SUPT3H: variants seen among roughly 807,000 people sequenced by gnomAD.
SUPT3H encodes the protein SPT3 homolog, SAGA and STAGA complex component.
In SUPT3H, 44 loss-of-function variants were observed where a neutral mutation model predicts 44.3. The ratio of observed to expected loss-of-function variants is 0.99; its 90% CI spans 0.78 to 1.28. The LOEUF (loss-of-function observed/expected upper bound fraction) is 1.28. Ranked by LOEUF, SUPT3H falls within the 50% of genes most tolerant of loss-of-function variation. SUPT3H has a pLI of 0.00. For missense variants in SUPT3H, 380 were observed against 387.1 expected (o/e 0.98, Z 0.15); for synonymous variants, 124 against 125.6 (o/e 0.99, Z 0.09).
At chr6:44,866,697 C>G (rs1775561693) in intron 10 of SUPT3H, among the ~76,000 whole-genome samples, 1 of 152,164 alleles carries the variant, frequency 6.6e-6, no homozygotes, top group Non-Finnish European at 1.5e-5. Flanking sequence ...GACCTGAAAT[C>G]ATTGCCTCAG....
Position 44,993,646 on chromosome 6 carries a change from G to A in SUPT3H, c.504+10007C>T, listed in dbSNP as rs114277884. The stretch of plus-strand genomic sequence containing the variant: ...CTTCTAAATCAAATAATACTACCTC[G>A]TCTACAGTTCCTATGCCAGAATAAC... On this transcript the variant is annotated intron_variant, in intron 6 of 10. Coordinates refer to ENST00000371459, the MANE Select transcript of SUPT3H (RefSeq NM_003599.4). Among the ~76,000 whole-genome samples, 732 of 152,058 alleles carry A rather than the reference G, an allele frequency of 4.8e-3. 9 individuals are homozygous for A. Among genetic ancestry groups the A allele is most frequent in the African/African-American group, 0.016 (673 of 41,498 alleles).
At chr6:45,313,655 A>AC (rs1784290411) in intron 2 of SUPT3H, among the ~76,000 whole-genome samples, 12 of 25,278 alleles carry the variant, frequency 4.7e-4, no homozygotes, top group Admixed American at 3.5e-3. Flanking sequence ...TTTAAAAATT[A>AC]TAAAAAAAAA....
chr6:45,325,347 T>TA (rs1193635749), intron 2 of SUPT3H, among the ~76,000 whole-genome samples: 1 of 151,702 alleles, frequency 6.6e-6, no homozygotes, highest in African/African-American at 2.4e-5. Flanking sequence ...GTTAAGAAAA[T>TA]AAAAAATTAC....
At chr6:45,179,557 T>A (rs1440631307) in intron 2 of SUPT3H, among the ~76,000 whole-genome samples, 2 of 152,230 alleles carry the variant, frequency 1.3e-5, no homozygotes, top group East Asian at 3.8e-4. Context: ...ATCCCTGGGA[T>A]GCAAGGCTGG....
intron 9 of SUPT3H, among the ~76,000 whole-genome samples, chr6:44,945,258 C>T (rs192026132): frequency 1.3e-5 from 2 of 152,248 alleles, no homozygotes; most frequent in East Asian, 1.9e-4. Context: ...TCAGGCCTCC[C>T]TATTCCCTGA....
intron 6 of SUPT3H, among the ~76,000 whole-genome samples, chr6:44,969,779 C>T (rs952760211): frequency 1.3e-5 from 2 of 152,196 alleles, no homozygotes. Context: ...TTCTATATCA[C>T]AGCCTTAAAA....
chr6:45,003,823 A>C (rs1782345346), intron 5 of SUPT3H, 31 bp from the exon 6 acceptor site: 1 of 1,611,774 alleles, frequency 6.2e-7, no homozygotes, highest in South Asian at 1.1e-5. Flanking sequence ...GAAAAAAAGA[A>C]ATGTTCTCAA....
At chr6:44,970,092 T>C (rs1303477638) in intron 6 of SUPT3H, among the ~76,000 whole-genome samples, 3 of 152,166 alleles carry the variant, frequency 2.0e-5, no homozygotes, top group Non-Finnish European at 4.4e-5. Context: ...CCTATGGGTC[T>C]AAATATATTA....
rs1296957846 is a variant in SUPT3H, at chr6:45,230,511, CTAAGTA to C, written c.102-124511_102-124506del. 3.5e-4 allele frequency among the ~76,000 whole-genome samples: 53 copies of C among 150,604 alleles called. No individual in the cohort carries two copies. In the East Asian group the frequency reaches 4.7e-3, roughly 13 times the overall value. Reference sequence around the variant, plus strand: ...TCTTTTTTTATGGGTTTTGTTTTATCTAAGTATATCTACTTCTGCTCACTTTTGGTT... The same window carrying C: ...TCTTTTTTTATGGGTTTTGTTTTATCTATCTACTTCTGCTCACTTTTGGTT... On this transcript the variant is annotated intron_variant, in intron 2 of 10. Transcript: ENST00000371459.
intron 2 of SUPT3H, among the ~76,000 whole-genome samples, chr6:45,265,002 C>T (rs547314135): frequency 3.3e-5 from 5 of 152,166 alleles, no homozygotes; most frequent in African/African-American, 1.2e-4. Flanking sequence ...ACTGAAATTT[C>T]CCCTATGAAG....
chr6:45,020,404 G>A lies in SUPT3H; in HGVS notation c.273+142C>T, dbSNP rs572536984. Reference sequence around the variant, plus strand: ...AATTCTTTTGTAAACACATTTTGTCGTCCAAACCATGAAGACTAAAACATC... The same window carrying A: ...AATTCTTTTGTAAACACATTTTGTCATCCAAACCATGAAGACTAAAACATC... On this transcript the variant is annotated intron_variant, in intron 4 of 10. Coordinates refer to ENST00000371459, the MANE Select transcript of SUPT3H (RefSeq NM_003599.4). The A allele has an allele frequency of 9.6e-4, 572 of 595,944 alleles. 1 individual carries two copies. The highest frequency in any genetic ancestry group is 1.7e-3 in the South Asian group (59 of 34,174). The allele number at this position is 595,944 out of a possible 1,614,324, so 36.9% of individuals were successfully genotyped here.
At chr6:44,952,078 C>CAT (rs1184772655) in intron 9 of SUPT3H, among the ~76,000 whole-genome samples, 1 of 152,074 alleles carries the variant, frequency 6.6e-6, no homozygotes, top group Admixed American at 6.6e-5. Context: ...TGGGCATAAA[C>CAT]ATTTTAATCC....
chr6:45,179,735 T>C (rs1157666138), intron 2 of SUPT3H, among the ~76,000 whole-genome samples: 2 of 152,212 alleles, frequency 1.3e-5, no homozygotes, highest in Non-Finnish European at 2.9e-5. Context: ...TAGTAAGAGC[T>C]ATCTATGACA....
At chr6:44,930,493 G>T (rs1770401193) in intron 10 of SUPT3H, among the ~76,000 whole-genome samples, 1 of 151,044 alleles carries the variant, frequency 6.6e-6, no homozygotes, top group Admixed American at 6.6e-5. Context: ...GAACCTGGGA[G>T]GTAGAAGTTG....
chr6:45,266,241 A>G (rs1775242674), intron 2 of SUPT3H, among the ~76,000 whole-genome samples: 1 of 151,984 alleles, frequency 6.6e-6, no homozygotes, highest in African/African-American at 2.4e-5. Context: ...ATTACTTTAC[A>G]ATTCCAAATG....
At chr6:44,961,562 A>G (rs890665205) in intron 7 of SUPT3H, among the ~76,000 whole-genome samples, 191 bp downstream of exon 7, 31 of 152,146 alleles carry the variant, frequency 2.0e-4, no homozygotes, top group African/African-American at 7.0e-4. Flanking sequence ...AATGTTATTA[A>G]CTGCAAAGCA....
intron 7 of SUPT3H, among the ~76,000 whole-genome samples, chr6:44,960,616 C>T (rs1374338315): frequency 6.6e-6 from 1 of 151,846 alleles, no homozygotes; most frequent in Non-Finnish European, 1.5e-5. Context: ...AAAAATAGTT[C>T]AATTGCACTA....
At chr6:45,341,997 G>C (rs562082429) in intron 2 of SUPT3H, among the ~76,000 whole-genome samples, 1 of 151,906 alleles carries the variant, frequency 6.6e-6, no homozygotes, top group African/African-American at 2.4e-5. Context: ...TATTAACCTA[G>C]CATTAAAAAA....
intron 2 of SUPT3H, among the ~76,000 whole-genome samples, chr6:45,140,236 G>A (rs531077402): frequency 5.9e-5 from 9 of 152,042 alleles, no homozygotes; most frequent in East Asian, 3.9e-4. Flanking sequence ...ACAAGAGTCC[G>A]AGGCCAGACC....
Sources: gnomAD v4.1 joint callset for allele counts (sites outside exome capture counted in the v4.1 genomes callset) on GRCh38, gnomAD v4.1.1 for gene constraint, MANE v1.5 for transcripts, NCBI Gene and HGNC (gene_info 2026-07-23, HGNC 2026-07-21) for gene names.